The following NFKB1 variants were observed in gnomAD, a reference collection of about 807,000 sequenced individuals.
NFKB1 encodes the protein nuclear factor NF-kappa-B p105 subunit.
In NFKB1, 9 loss-of-function variants were observed where a neutral mutation model predicts 105.1. The observed-to-expected ratio is 0.09, with a 90% confidence interval of 0.05 to 0.15. NFKB1 has a LOEUF of 0.15. Ranked by LOEUF, NFKB1 falls within the 10% of genes least tolerant of loss-of-function variation. NFKB1 has a pLI of 1.00. For missense variants in NFKB1, 830 were observed against 1,203.7 expected (o/e 0.69, Z 4.59); for synonymous variants, 440 against 442.2 (o/e 1.00, Z 0.06).
At chr4:102,514,982 T>C (rs1055885247) in intron 1 of NFKB1, among the ~76,000 whole-genome samples, 2 of 152,132 alleles carry the variant, frequency 1.3e-5, no homozygotes, top group African/African-American at 4.8e-5. Flanking sequence ...ACTGTGTCTT[T>C]AATATTAAAG....
chr4:102,597,932 G>C (rs1451055067), intron 15 of NFKB1, among the ~76,000 whole-genome samples: 1 of 152,174 alleles, frequency 6.6e-6, no homozygotes, highest in Non-Finnish European at 1.5e-5. Context: ...TGTAGGTAAT[G>C]GTACTTTTTG....
chr4:102,505,157 A>T (rs866187854), intron 1 of NFKB1, among the ~76,000 whole-genome samples: 17 of 152,192 alleles, frequency 1.1e-4, no homozygotes, highest in Non-Finnish European at 2.1e-4. Flanking sequence ...GGCCTTGAAG[A>T]TCAGCCAACA....
At chr4:102,601,076 T>C (rs571951449) in intron 16 of NFKB1, 67 bp downstream of exon 16, 7 of 975,094 alleles carry the variant, frequency 7.2e-6, no homozygotes, top group Non-Finnish European at 1.1e-5. Flanking sequence ...CTGTTATGTT[T>C]GGGTGCATGT....
chr4:102,595,061 T>A (rs1179086826), intron 13 of NFKB1, 80 bp downstream of exon 13: 6 of 865,632 alleles, frequency 6.9e-6, no homozygotes, highest in Non-Finnish European at 5.6e-6. Context: ...TCATTACTTA[T>A]CACAACAGTA....
intron 5 of NFKB1, among the ~76,000 whole-genome samples, chr4:102,553,648 C>T (rs1349487438): frequency 1.3e-5 from 2 of 152,052 alleles, no homozygotes; most frequent in African/African-American, 2.4e-5. Context: ...TCTTTGTTTG[C>T]GTGTCTTTTT....
rs758528036 is a variant in NFKB1, at chr4:102,616,474, G to A, written c.2790G>A (p.Val930=). ...RDSDSVCDSG[V]ETSFRKLSFT... ...GTGACAGTGTCTGCGACAGCGGCGTGGAGACATCCTTCCGCAAACTCAGCT... is the reference window on the plus strand; with the variant it reads ...GTGACAGTGTCTGCGACAGCGGCGTAGAGACATCCTTCCGCAAACTCAGCT... Residue 930 remains valine, a synonymous_variant, in exon 24 of 24, where the codon GTG becomes GTA. Transcript: ENST00000226574. 4.3e-6 allele frequency: 7 copies of A among 1,614,052 alleles called. No homozygotes were observed. The highest frequency in any genetic ancestry group is 5.9e-6 in the Non-Finnish European group (7 of 1,179,996).
intron 1 of NFKB1, among the ~76,000 whole-genome samples, chr4:102,509,468 C>G (rs189038662): frequency 6.4e-4 from 98 of 152,224 alleles, no homozygotes; most frequent in African/African-American, 2.2e-3. Context: ...AAATAGATGA[C>G]TTTTGGAGTA....
chr4:102,549,633 G>GT (rs1244428111), intron 5 of NFKB1, among the ~76,000 whole-genome samples: 2 of 151,940 alleles, frequency 1.3e-5, no homozygotes, highest in African/African-American at 4.8e-5. Flanking sequence ...TCAGCCACTT[G>GT]TTTGACATTG....
intron 16 of NFKB1, among the ~76,000 whole-genome samples, chr4:102,603,557 G>A (rs1578821497): frequency 6.6e-6 from 1 of 152,232 alleles, no homozygotes; most frequent in Admixed American, 6.5e-5. Flanking sequence ...CCACCAGTCT[G>A]ATTAATGGGC....
intron 4 of NFKB1, among the ~76,000 whole-genome samples, chr4:102,534,745 C>T (rs1741533078): frequency 6.6e-6 from 1 of 152,188 alleles, no homozygotes; most frequent in Admixed American, 6.6e-5. Context: ...TGTCCTCTTG[C>T]AGCTGTATTA....
At chr4:102,511,940 G>A (rs931573707) in intron 1 of NFKB1, among the ~76,000 whole-genome samples, 1 of 152,174 alleles carries the variant, frequency 6.6e-6, no homozygotes, top group Non-Finnish European at 1.5e-5. Context: ...TGGATTATAT[G>A]TATGTCAATT....
At chr4:102,586,829 G>A (rs1240493422) in intron 11 of NFKB1, among the ~76,000 whole-genome samples, 1 of 152,226 alleles carries the variant, frequency 6.6e-6, no homozygotes, top group East Asian at 1.9e-4. Context: ...CAAAGGTGCA[G>A]CAGCAACAAG....
intron 1 of NFKB1, among the ~76,000 whole-genome samples, chr4:102,502,332 G>GCT (rs1226715046): frequency 6.7e-6 from 1 of 149,006 alleles, no homozygotes; most frequent in African/African-American, 2.5e-5. Flanking sequence ...AAGAAACCTG[G>GCT]CTCGCTCTCT....
intron 6 of NFKB1, among the ~76,000 whole-genome samples, chr4:102,576,236 C>G (rs1403155898): frequency 1.3e-5 from 2 of 152,166 alleles, no homozygotes; most frequent in Non-Finnish European, 2.9e-5. Context: ...ATAGATAACT[C>G]AGGAGAAGAT....
chr4:102,586,095 G>A (rs1725689679), intron 11 of NFKB1, among the ~76,000 whole-genome samples: 1 of 152,198 alleles, frequency 6.6e-6, no homozygotes, highest in Admixed American at 6.5e-5. Flanking sequence ...TTAGGAGGCA[G>A]ATGATGAGTC....
At chr4:102,520,465 T>G (rs905493571) in intron 1 of NFKB1, among the ~76,000 whole-genome samples, 1 of 152,242 alleles carries the variant, frequency 6.6e-6, no homozygotes, top group Admixed American at 6.5e-5. Context: ...GACATTCCAC[T>G]GTAAACAGGT....
intron 3 of NFKB1, among the ~76,000 whole-genome samples, chr4:102,532,621 C>T (rs2149121882): frequency 6.6e-6 from 1 of 151,810 alleles, no homozygotes; most frequent in South Asian, 2.1e-4. Flanking sequence ...GAGTGAGACT[C>T]TGTCTCAAAA....
chr4:102,596,352 A>G lies in NFKB1; in HGVS notation c.1495+20A>G. The G allele has an allele frequency of 6.3e-7, 1 of 1,578,432 alleles. No individual in the cohort carries two copies. The highest frequency in any genetic ancestry group is 1.3e-5 in the African/African-American group (1 of 74,206). On this transcript the variant is annotated intron_variant, in intron 14 of 23. Coordinates refer to ENST00000226574, the MANE Select transcript of NFKB1 (RefSeq NM_003998.4). Reference sequence around the variant, plus strand: ...TTCAGGGTAAGTGAGCACACAAATTACGTTCTGTTGGTTGGCTGGGGAGGG... The same window carrying G: ...TTCAGGGTAAGTGAGCACACAAATTGCGTTCTGTTGGTTGGCTGGGGAGGG...
At chr4:102,584,425 A>C (rs1027987646) in intron 10 of NFKB1, among the ~76,000 whole-genome samples, 3 of 152,242 alleles carry the variant, frequency 2.0e-5, no homozygotes, top group Non-Finnish European at 4.4e-5. Context: ...CATTTGAAAT[A>C]GACAAATGAA....
Sources: allele counts gnomAD v4.1 joint callset (sites outside exome capture counted in the v4.1 genomes callset), GRCh38; gene constraint gnomAD v4.1.1; transcripts MANE v1.5; gene names NCBI Gene and HGNC (gene_info 2026-07-23, HGNC 2026-07-21).